Variants in CLSTN2 observed in about 807,000 individuals in gnomAD.
The protein encoded by CLSTN2 is calsyntenin-2.
CLSTN2 carries 48 observed loss-of-function variants against 101.2 expected under a neutral mutation model. That is an observed-to-expected ratio of 0.47 (90% CI 0.38 to 0.60). The LOEUF is 0.60. CLSTN2 is among the 20% of genes least tolerant of loss of function. The probability of loss-of-function intolerance (pLI) is 0.00; values close to 1 mark genes in which losing one functional copy is unlikely to be tolerated. For synonymous variants in CLSTN2, 481 were observed against 463.6 expected, an observed-to-expected ratio of 1.04 and a Z score of -0.48; for missense variants, 1,160 against 1,238.2, an observed-to-expected ratio of 0.94 and a Z score of 0.95.
chr3:140,273,780 CA>C (rs565818039), intron 2 of CLSTN2, among the ~76,000 whole-genome samples: 166 of 152,240 alleles, frequency 1.1e-3, no homozygotes, highest in Admixed American at 4.9e-3. Context: ...GGAAAGCCTT[CA>C]AAAAGTTGAA....
intron 1 of CLSTN2, among the ~76,000 whole-genome samples, chr3:140,151,833 G>A (rs143986891): frequency 5.6e-4 from 85 of 152,302 alleles, no homozygotes; most frequent in African/African-American, 1.9e-3. Flanking sequence ...ATGGGGACTT[G>A]GCCTAAGCAG....
chr3:140,058,880 G>T (rs1466003923), intron 1 of CLSTN2, among the ~76,000 whole-genome samples: 1 of 152,190 alleles, frequency 6.6e-6, no homozygotes, highest in African/African-American at 2.4e-5. Context: ...AAAGCCAGAG[G>T]GAGGCTGCTG....
At chr3:139,998,335 C>CTTTTTTTTTTT (rs1290360293) in intron 1 of CLSTN2, among the ~76,000 whole-genome samples, 2 of 20,430 alleles carry the variant, frequency 9.8e-5, no homozygotes, top group African/African-American at 2.3e-4. Context: ...CCCCCACATG[C>CTTTTTTTTTTT]CTTTTTTTTT....
At chr3:140,455,360 G>A (rs548007303) in intron 6 of CLSTN2, among the ~76,000 whole-genome samples, 1 of 152,184 alleles carries the variant, frequency 6.6e-6, no homozygotes, top group South Asian at 2.1e-4. Context: ...CCTCACCAAG[G>A]CCATCTAGAG....
chr3:140,226,076 G>A (rs2086317395), intron 2 of CLSTN2, among the ~76,000 whole-genome samples: 2 of 152,042 alleles, frequency 1.3e-5, no homozygotes, highest in African/African-American at 4.8e-5. Context: ...CAACCACCTG[G>A]GTGAATCCCT....
chr3:140,510,722 G>A (rs1009246539), intron 8 of CLSTN2, among the ~76,000 whole-genome samples: 5 of 152,086 alleles, frequency 3.3e-5, no homozygotes, highest in African/African-American at 7.2e-5. Flanking sequence ...AACACACTAC[G>A]CTTCTTGCTG....
chr3:140,310,964 C>T (rs932772834), intron 2 of CLSTN2, among the ~76,000 whole-genome samples: 16 of 152,176 alleles, frequency 1.1e-4, no homozygotes, highest in Non-Finnish European at 2.4e-4. Flanking sequence ...TCTGCCATTC[C>T]AGAGCATCCC....
At chr3:140,472,145 G>A (rs772618236) in intron 8 of CLSTN2, among the ~76,000 whole-genome samples, 4 of 152,074 alleles carry the variant, frequency 2.6e-5, no homozygotes, top group Non-Finnish European at 5.9e-5. Flanking sequence ...CATACCCAGA[G>A]GGTCCCTTCA....
At chr3:140,379,467 G>T (rs576277810) in intron 2 of CLSTN2, among the ~76,000 whole-genome samples, 1 of 152,312 alleles carries the variant, frequency 6.6e-6, no homozygotes, top group Admixed American at 6.5e-5. Context: ...TTCAGCCAGG[G>T]TCTTCGACCA....
intron 1 of CLSTN2, among the ~76,000 whole-genome samples, chr3:140,153,345 T>C (rs2009898323): frequency 6.6e-6 from 1 of 152,218 alleles, no homozygotes; most frequent in African/African-American, 2.4e-5. Flanking sequence ...TCCTATTGAG[T>C]GTGTAACTCT....
At chr3:140,197,311 A>G (rs2010658802) in intron 2 of CLSTN2, among the ~76,000 whole-genome samples, 1 of 152,222 alleles carries the variant, frequency 6.6e-6, no homozygotes, top group East Asian at 1.9e-4. Context: ...AGTAATAAAA[A>G]TCATAGCCAT....
chr3:140,155,117 G>T (rs567213462), intron 1 of CLSTN2, among the ~76,000 whole-genome samples: 1 of 152,280 alleles, frequency 6.6e-6, no homozygotes, highest in Non-Finnish European at 1.5e-5. Flanking sequence ...GCCAGGACCT[G>T]CTTCCTTTCT....
chr3:140,017,178 C>T (rs1463754660), intron 1 of CLSTN2, among the ~76,000 whole-genome samples: 1 of 152,188 alleles, frequency 6.6e-6, no homozygotes, highest in Non-Finnish European at 1.5e-5. Flanking sequence ...TTAGTGTGCT[C>T]TCAGCTGATG....
At chr3:140,394,559 T>A (rs924458670) in intron 2 of CLSTN2, among the ~76,000 whole-genome samples, 1 of 152,208 alleles carries the variant, frequency 6.6e-6, no homozygotes, top group Non-Finnish European at 1.5e-5. Flanking sequence ...GATTAAGCCA[T>A]CATTGTCTGT....
intron 1 of CLSTN2, among the ~76,000 whole-genome samples, chr3:140,047,220 C>T (rs6766002): frequency 0.013 from 1,934 of 152,282 alleles, 48 homozygotes; most frequent in African/African-American, 0.042. Context: ...TGCTTCACTT[C>T]CCATGGGAAA....
intron 1 of CLSTN2, among the ~76,000 whole-genome samples, chr3:140,139,887 G>C (rs1021393476): frequency 6.6e-6 from 1 of 152,186 alleles, no homozygotes; most frequent in African/African-American, 2.4e-5. Flanking sequence ...CTGGACACTG[G>C]ACACTTCTTC....
intron 1 of CLSTN2, among the ~76,000 whole-genome samples, chr3:139,954,675 A>G (rs2107811764): frequency 6.6e-6 from 1 of 152,244 alleles, no homozygotes; most frequent in Non-Finnish European, 1.5e-5. Context: ...ATTTTCCCAG[A>G]GCACCTATAA....
intron 2 of CLSTN2, among the ~76,000 whole-genome samples, chr3:140,378,812 G>C (rs986158037): frequency 5.9e-5 from 9 of 152,162 alleles, no homozygotes; most frequent in Admixed American, 5.9e-4. Context: ...GGTAAAAATA[G>C]CTAGCTCTCA....
At chr3:140,115,405 G>A (rs753203491) in intron 1 of CLSTN2, among the ~76,000 whole-genome samples, 11 of 152,070 alleles carry the variant, frequency 7.2e-5, no homozygotes, top group Admixed American at 3.3e-4. Context: ...TCTGTGGGTG[G>A]GTGGGTAGGT....
Sources: gnomAD v4.1 joint callset for allele counts (sites outside exome capture counted in the v4.1 genomes callset) on GRCh38, gnomAD v4.1.1 for gene constraint, MANE v1.5 for transcripts, NCBI Gene and HGNC (gene_info 2026-07-23, HGNC 2026-07-21) for gene names.